Variants in SPAG1 observed in about 807,000 individuals in gnomAD.
The protein encoded by SPAG1 is sperm-associated antigen 1.
A neutral mutation model predicts 100.5 loss-of-function variants in SPAG1; 69 were observed. The ratio of observed to expected loss-of-function variants is 0.69; its 90% CI spans 0.57 to 0.84. SPAG1 has a LOEUF of 0.84. Ranked by LOEUF, SPAG1 falls within the 40% of genes least tolerant of loss-of-function variation. The pLI, the probability that SPAG1 is intolerant of heterozygous loss-of-function variation, is 0.00. For missense variants in SPAG1, 955 were observed against 1,133.1 expected, an observed-to-expected ratio of 0.84 and a Z score of 2.26; for synonymous variants, 336 against 411.6, an observed-to-expected ratio of 0.82 and a Z score of 2.22.
chr8:100,202,353 AC>A (rs1817312344), intron 10 of SPAG1, among the ~76,000 whole-genome samples: 1 of 151,482 alleles, frequency 6.6e-6, no homozygotes, highest in African/African-American at 2.4e-5. Flanking sequence ...AAAAAAAAAA[AC>A]AAAAAACAAA....
rs769916466 is a variant in SPAG1, at chr8:100,184,680, A to C, written c.648A>C (p.Gly216=). 36 of 1,587,544 alleles carry C rather than the reference A, an allele frequency of 2.3e-5. No homozygotes were observed. Among genetic ancestry groups the C allele is most frequent in the Non-Finnish European group, 3.0e-5 (35 of 1,171,390 alleles). ...DFLATREKEK[G]NEAFNSGDYE... The stretch of plus-strand genomic sequence containing the variant: ...TTGCCACTCGTGAAAAGGAGAAAGG[A>C]AATGAAGCTTTCAACTCAGGAGATT... Residue 216 remains glycine (G), a synonymous_variant, in exon 7 of 19, where the codon GGA becomes GGC. Transcript: ENST00000388798.
Position 100,189,094 on chromosome 8 carries a change from G to A in SPAG1, c.832+1844G>A, listed in dbSNP as rs556086759. ...TGTCTGTAATCCCAGCACTTTGGGA[G>A]GCCGAGGTGGGCAGATCACCTGAGG... On this transcript the variant is annotated intron_variant, in intron 8 of 18. Coordinates refer to ENST00000388798, the MANE Select transcript of SPAG1 (RefSeq NM_003114.5). 1.4e-4 allele frequency among the ~76,000 whole-genome samples: 21 copies of A among 152,100 alleles called. 1 individual carries two copies. The highest frequency in any genetic ancestry group is 4.6e-4 in the African/African-American group (19 of 41,478).
chr8:100,180,494 T>C (rs928257333), intron 4 of SPAG1, among the ~76,000 whole-genome samples: 3 of 152,182 alleles, frequency 2.0e-5, no homozygotes, highest in African/African-American at 7.2e-5. Context: ...TTACAACAAA[T>C]TTCAAGATCT....
chr8:100,198,731 C>T (rs992272519), intron 10 of SPAG1, among the ~76,000 whole-genome samples: 5 of 152,184 alleles, frequency 3.3e-5, no homozygotes, highest in Admixed American at 3.3e-4. Context: ...GATCTAATTT[C>T]AGAACATTTT....
intron 12 of SPAG1, among the ~76,000 whole-genome samples, chr8:100,216,499 G>A (rs966619166): frequency 1.3e-5 from 2 of 152,166 alleles, no homozygotes; most frequent in Non-Finnish European, 2.9e-5. Context: ...GTCCAGGGTG[G>A]CTAGAGTAGG....
chr8:100,218,510 G>T (rs1352335490), intron 12 of SPAG1, among the ~76,000 whole-genome samples: 1 of 152,210 alleles, frequency 6.6e-6, no homozygotes, highest in Non-Finnish European at 1.5e-5. Flanking sequence ...ATTTAAGGCA[G>T]TGGTACAGGT....
intron 1 of SPAG1, among the ~76,000 whole-genome samples, chr8:100,161,264 G>A (rs1212289839): frequency 1.3e-5 from 2 of 152,092 alleles, no homozygotes; most frequent in Non-Finnish European, 2.9e-5. Context: ...GGATCACCGA[G>A]TCCAGAAGGT....
chr8:100,184,616 A>T lies in SPAG1; in HGVS notation c.596-12A>T, dbSNP rs1028887462. 4.1e-6 allele frequency: 6 copies of T among 1,473,902 alleles called. No individual in the cohort carries two copies. In the African/African-American group the frequency reaches 5.8e-5, roughly 14 times the overall value. The allele number at this position is 1,473,902 out of a possible 1,614,324, so 91.3% of individuals were successfully genotyped here. A position where few individuals can be genotyped will look rare whatever the true frequency, so the allele number is the denominator to read the frequency against. ...TATACGTTTACATATAGCAGATAAC[A>T]TTTATTTCTAGGTCTAACTGAGAAA... On this transcript the variant is annotated splice_polypyrimidine_tract_variant and intron_variant, in intron 6 of 18. Transcript: ENST00000388798.
rs955335474 is a variant in SPAG1 at position 100,216,657 on chromosome 8, C to T, written c.1535+2739C>T. ...GCTGACCTCCGTAGAGACCGACCTA[C>T]TCAGATGTTTTCTTTGATAGCTGGC... On this transcript the variant is annotated intron_variant, in intron 12 of 18. Coordinates refer to ENST00000388798, the MANE Select transcript of SPAG1 (RefSeq NM_003114.5). Among the ~76,000 whole-genome samples, 151 of 152,298 alleles carry T rather than the reference C, an allele frequency of 9.9e-4. 1 individual carries two copies. The highest frequency in any genetic ancestry group is 3.4e-3 in the African/African-American group (142 of 41,578).
intron 10 of SPAG1, among the ~76,000 whole-genome samples, chr8:100,206,102 C>T (rs1350322422): frequency 2.7e-5 from 4 of 149,662 alleles, no homozygotes; most frequent in Non-Finnish European, 5.9e-5. Context: ...ATTCAACTTC[C>T]CCATTTGGCC....
intron 3 of SPAG1, among the ~76,000 whole-genome samples, chr8:100,173,029 A>ATTTTTTTTTTTTTTTTTT (rs1563773136): frequency 1.1e-5 from 1 of 94,230 alleles, no homozygotes; most frequent in African/African-American, 3.9e-5. Context: ...CTTCTTGACC[A>ATTTTTTTTTTTTTTTTTT]CTTCTTTTTT....
Position 100,233,522 on chromosome 8 carries a change from T to C in SPAG1, c.2100T>C (p.Ala700=), listed in dbSNP as rs776108495. 6.2e-7 allele frequency: 1 copy of C among 1,605,616 alleles called. No individual in the cohort carries two copies. The change falls in exon 16 of 19, where the codon GCT becomes GCC. Residue 700 remains alanine (A), a synonymous_variant. Coordinates refer to ENST00000388798, the MANE Select transcript of SPAG1 (RefSeq NM_003114.5). ...AAGCCTTCTATAGACGAGCTCTGGC[T>C]CATAAAGGACTCAAGGTGAGGAAAT... The part of the protein sequence containing the change: ...NVKAFYRRAL[A]HKGLKNYQKS...
At chr8:100,188,785 G>A (rs1448522207) in intron 8 of SPAG1, among the ~76,000 whole-genome samples, 1 of 152,114 alleles carries the variant, frequency 6.6e-6, no homozygotes, top group East Asian at 1.9e-4. Context: ...AAACATGGTG[G>A]AGGTGGCAGA....
intron 8 of SPAG1, 124 bp downstream of exon 8, chr8:100,187,374 C>T (rs1816630057): frequency 1.4e-6 from 1 of 693,970 alleles, no homozygotes; most frequent in African/African-American, 1.8e-5. Flanking sequence ...GTATGTGAAT[C>T]ACCAACTTCA....
chr8:100,165,704 T>G (rs1815519425), intron 2 of SPAG1, 110 bp from the exon 3 acceptor site: 1 of 742,288 alleles, frequency 1.3e-6, no homozygotes, highest in South Asian at 2.2e-5. Context: ...GAAGCAGCCC[T>G]TGAGATCTCC....
intron 12 of SPAG1, among the ~76,000 whole-genome samples, 159 bp downstream of exon 12, chr8:100,214,077 G>C (rs531191451): frequency 6.6e-6 from 1 of 152,252 alleles, no homozygotes; most frequent in East Asian, 1.9e-4. Context: ...ATTATCTTAC[G>C]TATATGAAGA....
In SPAG1 at chr8:100,213,901, C is replaced by CA. The variant is rs763569711; in HGVS notation, c.1519dup (p.Ile507AsnfsTer5). 1.1e-5 allele frequency: 17 copies of CA among 1,594,128 alleles called. No homozygotes were observed. In the South Asian group the frequency reaches 1.9e-4, roughly 18 times the overall value. On this transcript the variant is annotated frameshift_variant, in exon 12 of 19. Transcript: ENST00000388798. LOFTEE classifies it high-confidence loss of function. Reference sequence around the variant, plus strand: ...TAAAAGAAGGAAACTGCAGTGGCTGCATTCAAGATTGTAACAGGTAAACTG... The same window carrying CA: ...TAAAAGAAGGAAACTGCAGTGGCTGCAATTCAAGATTGTAACAGGTAAACTG...
chr8:100,190,663 CTTTTTT>C (rs758612610), intron 8 of SPAG1, among the ~76,000 whole-genome samples: 3 of 111,808 alleles, frequency 2.7e-5, no homozygotes, highest in South Asian at 2.9e-4. Context: ...CTTTTTTTTT[CTTTTTT>C]TTTTTTTTTT....
intron 17 of SPAG1, 135 bp from the exon 18 acceptor site, chr8:100,240,268 A>G: frequency 1.3e-6 from 1 of 756,742 alleles, no homozygotes; most frequent in Non-Finnish European, 2.0e-6. Context: ...AAAAATTATT[A>G]CAAAGTTTTC....
Sources: gnomAD v4.1 joint callset for allele counts (sites outside exome capture counted in the v4.1 genomes callset) on GRCh38, gnomAD v4.1.1 for gene constraint, MANE v1.5 for transcripts, NCBI Gene and HGNC (gene_info 2026-07-23, HGNC 2026-07-21) for gene names.